GLCE: variants seen among roughly 807,000 people sequenced by gnomAD.
The protein encoded by GLCE is D-glucuronyl C5-epimerase.
A neutral mutation model predicts 47.9 loss-of-function variants in GLCE; 19 were observed. The observed-to-expected ratio is 0.40, with a 90% CI of 0.28 to 0.58. The LOEUF is 0.58. Ranked by LOEUF, GLCE falls within the 20% of genes least tolerant of loss-of-function variation. The probability of loss-of-function intolerance (pLI) is 0.48; values close to 1 mark genes in which losing one functional copy is unlikely to be tolerated. For synonymous variants in GLCE, 245 were observed against 263.4 expected (o/e 0.93, Z 0.68); for missense variants, 556 against 743.3 (o/e 0.75, Z 2.93).
intron 2 of GLCE, among the ~76,000 whole-genome samples, chr15:69,217,990 C>G (rs1027347773): frequency 2.0e-5 from 3 of 151,354 alleles, no homozygotes; most frequent in African/African-American, 7.3e-5. Flanking sequence ...CCTGTCTCTA[C>G]TAAAAATACA....
At chr15:69,226,711 C>T (rs1176885185) in intron 2 of GLCE, among the ~76,000 whole-genome samples, 1 of 148,188 alleles carries the variant, frequency 6.7e-6, no homozygotes, top group Non-Finnish European at 1.5e-5. Context: ...TATCTTCAGC[C>T]AGAGTGAGCT....
chr15:69,176,654 A>AC (rs2051670472), intron 1 of GLCE, among the ~76,000 whole-genome samples: 1 of 152,206 alleles, frequency 6.6e-6, no homozygotes, highest in Non-Finnish European at 1.5e-5. Context: ...GGGATCAGTG[A>AC]CATTCAGGGT....
At chr15:69,227,460 A>G (rs1203325965) in intron 2 of GLCE, among the ~76,000 whole-genome samples, 1 of 152,214 alleles carries the variant, frequency 6.6e-6, no homozygotes, top group African/African-American at 2.4e-5. Context: ...ACAAAAACAC[A>G]GTATTTGTTA....
intron 2 of GLCE, among the ~76,000 whole-genome samples, chr15:69,234,478 T>G (rs1332894714): frequency 6.6e-6 from 1 of 152,122 alleles, no homozygotes; most frequent in African/African-American, 2.4e-5. Context: ...TTTAGGTTAT[T>G]TATATAAATG....
Position 69,215,466 on chromosome 15 carries a change from T to C in GLCE, c.-14+5060T>C, listed in dbSNP as rs76493994. ...TATGTACACGATTTGCTTATTCATT[T>C]ATCTGTTGTGGGACATCTGGGTTGT... On this transcript the variant is annotated intron_variant, in intron 2 of 4. Coordinates refer to ENST00000261858, the MANE Select transcript of GLCE (RefSeq NM_015554.3). Among the ~76,000 whole-genome samples the C allele has an allele frequency of 3.6e-3, 552 of 152,280 alleles. 4 individuals are homozygous for C. Among genetic ancestry groups the C allele is most frequent in the African/African-American group, 0.01 (416 of 41,550 alleles).
chr15:69,225,385 C>G (rs2052432878), intron 2 of GLCE, among the ~76,000 whole-genome samples: 1 of 152,072 alleles, frequency 6.6e-6, no homozygotes, highest in Non-Finnish European at 1.5e-5. Context: ...CCACAGAGTT[C>G]AGCATTCAAT....
intron 1 of GLCE, among the ~76,000 whole-genome samples, chr15:69,174,404 G>A (rs555580184): frequency 3.2e-4 from 33 of 103,950 alleles, no homozygotes; most frequent in Non-Finnish European, 6.7e-4. Flanking sequence ...GAGGTCAGGA[G>A]TTTGAGACCA....
At chr15:69,199,491 T>G (rs548436802) in intron 1 of GLCE, among the ~76,000 whole-genome samples, 1 of 152,278 alleles carries the variant, frequency 6.6e-6, no homozygotes, top group African/African-American at 2.4e-5. Flanking sequence ...ATCAATCAGA[T>G]CATGGATTTC....
At chr15:69,224,512 G>A (rs2052419170) in intron 2 of GLCE, among the ~76,000 whole-genome samples, 1 of 152,168 alleles carries the variant, frequency 6.6e-6, no homozygotes. Flanking sequence ...AGGGGAGCAG[G>A]GGGGCTCTTG....
chr15:69,166,960 G>C (rs1190538138), intron 1 of GLCE, among the ~76,000 whole-genome samples: 1 of 140,686 alleles, frequency 7.1e-6, no homozygotes, highest in Non-Finnish European at 1.5e-5. Context: ...TCACACTTGT[G>C]ATCCCAGCAC....
chr15:69,168,238 G>A (rs1028392608), intron 1 of GLCE, among the ~76,000 whole-genome samples: 1 of 152,060 alleles, frequency 6.6e-6, no homozygotes, highest in African/African-American at 2.4e-5. Flanking sequence ...TTTGAGATCA[G>A]CCTGGGCAAA....
rs2053008222 is a variant in GLCE, at chr15:69,261,166, C to T, written c.666C>T (p.Tyr222=). Reference sequence around the variant, plus strand: ...TTGCACAGTATGGATTAAGTCATTACAGCAAGAATCTAACTGAGAAACCTC... The same window carrying T: ...TTGCACAGTATGGATTAAGTCATTATAGCAAGAATCTAACTGAGAAACCTC... The part of the protein sequence containing the change: ...IQIAQYGLSH[Y]SKNLTEKPPH... Residue 222 remains tyrosine (Y), a synonymous_variant, in exon 4 of 5, where the codon TAC becomes TAT. Transcript: ENST00000261858. 4 of 1,613,874 alleles carry T rather than the reference C, an allele frequency of 2.5e-6. No individual in the cohort carries two copies. Among genetic ancestry groups the T allele is most frequent in the Non-Finnish European group, 3.4e-6 (4 of 1,179,822 alleles).
intron 1 of GLCE, among the ~76,000 whole-genome samples, chr15:69,207,278 A>G (rs2052165720): frequency 6.6e-6 from 1 of 152,070 alleles, no homozygotes; most frequent in Non-Finnish European, 1.5e-5. Flanking sequence ...GCATACATTA[A>G]AGTTCAGTCT....
intron 2 of GLCE, among the ~76,000 whole-genome samples, chr15:69,214,099 A>G (rs1269430140): frequency 6.6e-6 from 1 of 152,062 alleles, no homozygotes; most frequent in Non-Finnish European, 1.5e-5. Flanking sequence ...TTAGTCCTGA[A>G]ATCACTTACC....
chr15:69,173,383 G>GTTCT (rs919938652), intron 1 of GLCE, among the ~76,000 whole-genome samples: 2 of 152,200 alleles, frequency 1.3e-5, no homozygotes, highest in African/African-American at 4.8e-5. Context: ...GATCTTTAAT[G>GTTCT]TTCTTCCTGA....
intron 1 of GLCE, among the ~76,000 whole-genome samples, chr15:69,164,961 C>T (rs1415406734): frequency 6.6e-6 from 1 of 152,180 alleles, no homozygotes; most frequent in African/African-American, 2.4e-5. Context: ...CCTTACATTA[C>T]TGCCAAGGTG....
At chr15:69,166,736 A>G (rs2051507092) in intron 1 of GLCE, among the ~76,000 whole-genome samples, 1 of 151,920 alleles carries the variant, frequency 6.6e-6, no homozygotes, top group South Asian at 2.1e-4. Context: ...CCTGGCTAAC[A>G]TGGTGAAACC....
At chr15:69,243,544 G>A (rs951633121) in intron 2 of GLCE, among the ~76,000 whole-genome samples, 9 of 148,150 alleles carry the variant, frequency 6.1e-5, no homozygotes, top group Admixed American at 2.1e-4. Context: ...GACCAGGCTG[G>A]GTAACTAATG....
At chr15:69,264,788 G>A (rs780777870) in intron 4 of GLCE, among the ~76,000 whole-genome samples, 27 of 151,996 alleles carry the variant, frequency 1.8e-4, no homozygotes, top group Non-Finnish European at 3.1e-4. Flanking sequence ...TATTTCCCTC[G>A]TGATTAATGA....
Sources: allele counts gnomAD v4.1 joint callset (sites outside exome capture counted in the v4.1 genomes callset), GRCh38; gene constraint gnomAD v4.1.1; transcripts MANE v1.5; gene names NCBI Gene and HGNC (gene_info 2026-07-23, HGNC 2026-07-21).